Variants in PEBP4 observed in about 807,000 individuals in gnomAD.
PEBP4 encodes phosphatidylethanolamine binding protein 4.
In PEBP4, 22 loss-of-function variants were observed where a neutral mutation model predicts 23.9. The ratio of observed to expected loss-of-function variants is 0.92; its 90% CI spans 0.66 to 1.31. PEBP4 has a LOEUF of 1.31. PEBP4 is among the 40% of genes most tolerant of loss of function. The pLI is 0.00. For missense variants in PEBP4, 324 were observed against 281.7 expected, an observed-to-expected ratio of 1.15 and a Z score of -1.07; for synonymous variants, 112 against 99.3, an observed-to-expected ratio of 1.13 and a Z score of -0.76.
At chr8:22,732,325 G>A (rs1804755010) in intron 4 of PEBP4, among the ~76,000 whole-genome samples, 3 of 152,122 alleles carry the variant, frequency 2.0e-5, no homozygotes, top group Non-Finnish European at 4.4e-5. Flanking sequence ...GTCATCACAT[G>A]TTCTCACTTA....
intron 3 of PEBP4, chr8:22,895,370 C>T (rs1156995210): frequency 6.6e-6 from 1 of 152,116 alleles, no homozygotes; most frequent in East Asian, 1.9e-4. Flanking sequence ...CCCCACATAC[C>T]CTCCTTCACT....
chr8:22,765,642 A>G (rs1805597432), intron 4 of PEBP4, among the ~76,000 whole-genome samples: 1 of 152,246 alleles, frequency 6.6e-6, no homozygotes. Flanking sequence ...CCCTGTCCAC[A>G]AGAGTCCTCT....
intron 3 of PEBP4, among the ~76,000 whole-genome samples, chr8:22,903,142 C>A (rs1808744374): frequency 6.6e-6 from 1 of 152,138 alleles, no homozygotes; most frequent in African/African-American, 2.4e-5. Context: ...ACCCCGGAAA[C>A]CGCGAAATGT....
intron 3 of PEBP4, among the ~76,000 whole-genome samples, chr8:22,866,870 G>A (rs944956585): frequency 3.3e-5 from 5 of 152,138 alleles, no homozygotes; most frequent in Non-Finnish European, 7.4e-5. Flanking sequence ...CCAAAAGGTG[G>A]TGATGTGTGA....
At position 22,724,844 on chromosome 8, in the gene PEBP4, T is replaced by C. The variant is rs1170503135; in HGVS notation, c.516A>G (p.Arg172=). 6.2e-7 allele frequency: 1 copy of C among 1,610,672 alleles called. No homozygotes were observed. Among genetic ancestry groups the C allele is most frequent in the South Asian group, 1.1e-5 (1 of 91,004 alleles). The change falls in exon 6 of 7, where the codon CGA becomes CGG. Residue 172 remains arginine, a splice_region_variant and synonymous_variant. Transcript: ENST00000256404. Reference sequence around the variant, plus strand: ...GCTGGAAGGATGGGGAGGTCTTACCTCGAGTTTTGTTTTCCTTGGGAAGGA... The same window carrying C: ...GCTGGAAGGATGGGGAGGTCTTACCCCGAGTTTTGTTTTCCTTGGGAAGGA... ...ISLLPKENKT[R]GSWKMDRFLN... is the part of the protein sequence containing the mutation.
upstream of PEBP4, among the ~76,000 whole-genome samples, chr8:22,931,183 G>T (rs1173904581): frequency 6.6e-6 from 1 of 152,066 alleles, no homozygotes; most frequent in Non-Finnish European, 1.5e-5. Flanking sequence ...TCTCTGAACT[G>T]TAGTGAACAA....
chr8:22,930,284 T>C (rs542872984), upstream of PEBP4, among the ~76,000 whole-genome samples: 36 of 152,156 alleles, frequency 2.4e-4, no homozygotes, highest in Non-Finnish European at 4.3e-4. Context: ...AGCTGAAATG[T>C]CGTTTCCTAA....
At chr8:22,842,656 T>C (rs1267681842) in intron 3 of PEBP4, among the ~76,000 whole-genome samples, 2 of 151,864 alleles carry the variant, frequency 1.3e-5, no homozygotes, top group Admixed American at 6.5e-5. Flanking sequence ...TGCACAGCCA[T>C]AGGAAGGGTG....
intron 4 of PEBP4, among the ~76,000 whole-genome samples, chr8:22,765,937 T>G (rs552513373): frequency 1.6e-4 from 24 of 149,756 alleles, no homozygotes; most frequent in Non-Finnish European, 3.1e-4. Flanking sequence ...CCACCATTCA[T>G]GGATCACCAC....
chr8:22,873,649 C>A (rs768431001), intron 3 of PEBP4, among the ~76,000 whole-genome samples: 1 of 152,082 alleles, frequency 6.6e-6, no homozygotes, highest in South Asian at 2.1e-4. Context: ...AACAAACAAT[C>A]GAACAAAGTA....
At chr8:22,904,507 C>A (rs1048298237) in intron 3 of PEBP4, among the ~76,000 whole-genome samples, 1 of 152,190 alleles carries the variant, frequency 6.6e-6, no homozygotes. Context: ...GCGTTCACCC[C>A]CCGTCCCCCA....
At chr8:22,846,787 C>A (rs1807446403) in intron 3 of PEBP4, among the ~76,000 whole-genome samples, 1 of 152,168 alleles carries the variant, frequency 6.6e-6, no homozygotes, top group Non-Finnish European at 1.5e-5. Context: ...CAAATGTCAC[C>A]AAAAACTTGT....
chr8:22,731,474 A>C (rs1804729713), intron 4 of PEBP4, among the ~76,000 whole-genome samples: 1 of 152,206 alleles, frequency 6.6e-6, no homozygotes, highest in Non-Finnish European at 1.5e-5. Context: ...AATACATATA[A>C]CATACAAAAC....
chr8:22,750,261 C>T (rs994104270), intron 4 of PEBP4, among the ~76,000 whole-genome samples: 1 of 151,674 alleles, frequency 6.6e-6, no homozygotes, highest in African/African-American at 2.4e-5. Context: ...GCCACCACGC[C>T]CAGCTAATTT....
At chr8:22,846,047 TG>T (rs1807426949) in intron 3 of PEBP4, among the ~76,000 whole-genome samples, 1 of 152,254 alleles carries the variant, frequency 6.6e-6, no homozygotes. Context: ...GAGCTAGAGA[TG>T]CCAGGAGAAA....
intron 3 of PEBP4, among the ~76,000 whole-genome samples, chr8:22,840,227 C>T (rs1442201799): frequency 6.6e-6 from 1 of 152,098 alleles, no homozygotes; most frequent in African/African-American, 2.4e-5. Context: ...TCATATTACC[C>T]TCTAAACTGA....
chr8:22,897,120 C>A (rs1808604357), intron 3 of PEBP4, among the ~76,000 whole-genome samples: 1 of 151,856 alleles, frequency 6.6e-6, no homozygotes, highest in Non-Finnish European at 1.5e-5. Context: ...TTTTTTGAGG[C>A]ATAGGAGAAA....
intron 4 of PEBP4, among the ~76,000 whole-genome samples, chr8:22,807,230 GA>G (rs1225465174): frequency 6.6e-6 from 1 of 152,152 alleles, no homozygotes; most frequent in Non-Finnish European, 1.5e-5. Flanking sequence ...TGTAAGAGGG[GA>G]CAGAGCAGGT....
At chr8:22,940,634 GACC>G (rs1374636888) in intron 1 of PEBP4, among the ~76,000 whole-genome samples, 1 of 151,910 alleles carries the variant, frequency 6.6e-6, no homozygotes, top group Non-Finnish European at 1.5e-5. Context: ...GACTACAGGT[GACC>G]ACCACCACGC....
Sources: allele counts gnomAD v4.1 joint callset (sites outside exome capture counted in the v4.1 genomes callset), GRCh38; gene constraint gnomAD v4.1.1; transcripts MANE v1.5; gene names NCBI Gene and HGNC (gene_info 2026-07-23, HGNC 2026-07-21).